Variants in SSBP2 observed in about 807,000 individuals in gnomAD.
SSBP2 encodes single-stranded DNA-binding protein 2.
Under a neutral mutation model 61.8 loss-of-function variants are expected in SSBP2, and 17 were observed. That is an observed-to-expected ratio of 0.28 (90% CI 0.19 to 0.41). The LOEUF (loss-of-function observed/expected upper bound fraction) is 0.41, where lower values mean the gene tolerates loss of function less well. Among genes scored for constraint, SSBP2 ranks in the 10% least tolerant of loss-of-function variants. The pLI is 1.00. For missense variants in SSBP2, 310 were observed against 458.7 expected, an observed-to-expected ratio of 0.68 and a Z score of 2.96; for synonymous variants, 139 against 141.3, an observed-to-expected ratio of 0.98 and a Z score of 0.12.
intron 4 of SSBP2, among the ~76,000 whole-genome samples, chr5:81,597,559 G>C (rs1424564732): frequency 1.3e-5 from 2 of 152,056 alleles, no homozygotes; most frequent in Non-Finnish European, 2.9e-5. Context: ...ACATGCACAC[G>C]TATGTTTACT....
intron 1 of SSBP2, among the ~76,000 whole-genome samples, chr5:81,668,248 TAAAAAAA>T (rs11332987): frequency 0.037 from 3,550 of 95,012 alleles, 265 homozygotes; most frequent in East Asian, 0.29. Context: ...TATGGAAGTT[TAAAAAAA>T]AAAAAAAAAA....
rs556751196 is a variant in SSBP2, at chr5:81,686,575, G to T, written c.63-36236C>A. 1.2e-4 allele frequency among the ~76,000 whole-genome samples: 19 copies of T among 152,104 alleles called. No homozygotes were observed. The East Asian group carries it at 3.7e-3, about 29-fold the overall frequency. On this transcript the variant is annotated intron_variant, in intron 1 of 16. Coordinates refer to ENST00000320672, the MANE Select transcript of SSBP2 (RefSeq NM_012446.5). ...AGTCACTAAAAAAGTGACAAAATGGGGCCGGGCACGGTAGCTCATGCCTGT... is the reference window on the plus strand; with the variant it reads ...AGTCACTAAAAAAGTGACAAAATGGTGCCGGGCACGGTAGCTCATGCCTGT...
intron 2 of SSBP2, among the ~76,000 whole-genome samples, chr5:81,643,168 G>A (rs974523560): frequency 1.3e-5 from 2 of 152,080 alleles, no homozygotes; most frequent in Admixed American, 1.3e-4. Flanking sequence ...AGTGAAGCCG[G>A]GATAGCACGA....
At chr5:81,513,298 T>C (rs922521940) in intron 5 of SSBP2, among the ~76,000 whole-genome samples, 4 of 152,158 alleles carry the variant, frequency 2.6e-5, no homozygotes, top group African/African-American at 9.7e-5. Flanking sequence ...GTATAGTTAA[T>C]ATCCATCTCT....
intron 4 of SSBP2, among the ~76,000 whole-genome samples, chr5:81,597,991 AAAACTT>A (rs1561586180): frequency 6.6e-6 from 1 of 151,986 alleles, no homozygotes; most frequent in Non-Finnish European, 1.5e-5. Context: ...CATGTACCCT[AAAACTT>A]AAAGTATAAT....
At chr5:81,698,215 T>G (rs437417) in intron 1 of SSBP2, among the ~76,000 whole-genome samples, 52,695 of 152,074 alleles carry the variant, frequency 0.35, 9,564 homozygotes, top group Middle Eastern at 0.55. Flanking sequence ...TTTAAGATTT[T>G]TTTGGCATAT....
intron 6 of SSBP2, among the ~76,000 whole-genome samples, chr5:81,488,020 T>TTATATATATA (rs1766522278): frequency 6.3e-5 from 1 of 15,896 alleles, no homozygotes; most frequent in Admixed American, 5.5e-4. Flanking sequence ...AATATATATA[T>TTATATATATA]ATATATATAT....
At chr5:81,520,394 A>C (rs1327099885) in intron 4 of SSBP2, among the ~76,000 whole-genome samples, 1 of 152,138 alleles carries the variant, frequency 6.6e-6, no homozygotes, top group African/African-American at 2.4e-5. Flanking sequence ...TTTTTTTCTT[A>C]AGCCATCTAA....
chr5:81,469,231 C>G lies in SSBP2; in HGVS notation c.571-2190G>C, dbSNP rs529354103. Among the ~76,000 whole-genome samples, 16 of 152,032 alleles carry G rather than the reference C, an allele frequency of 1.1e-4. No individual in the cohort carries two copies. In the South Asian group the frequency reaches 3.1e-3, roughly 30 times the overall value. ...GGCAAATGATTCTCCCAATGATACC[C>G]TGATCTTAATTTCCTTATTTGTAAA... On this transcript the variant is annotated intron_variant, in intron 8 of 16. Transcript: ENST00000320672.
intron 12 of SSBP2, among the ~76,000 whole-genome samples, chr5:81,445,737 A>T (rs757337324): frequency 6.6e-6 from 1 of 152,188 alleles, no homozygotes; most frequent in Non-Finnish European, 1.5e-5. Context: ...TAATTTCAAC[A>T]AGCCAGTTAA....
At chr5:81,687,156 G>A (rs1200204010) in intron 1 of SSBP2, among the ~76,000 whole-genome samples, 5 of 152,324 alleles carry the variant, frequency 3.3e-5, no homozygotes, top group East Asian at 3.9e-4. Context: ...ACCCGGCAGC[G>A]GCCGCATGGT....
At position 81,615,549 on chromosome 5, in the gene SSBP2, C is replaced by G; in HGVS notation, c.206G>C (p.Trp69Ser). Residue 69 changes from tryptophan (W) to serine (S), a missense_variant, in exon 4 of 17, where the codon TGG becomes TCG. Physicochemically the swap from Trp to Ser is radical, Grantham distance 177. This residue lies in a region of SSBP2 where 21 missense variants were observed against 59.1 expected (regional missense o/e 0.36). Transcript: ENST00000320672. ...CTCTGGAGCTGCACAGTAGAGATCCCAAAATACACTAAAAAAGTAATCATG... is the reference window on the plus strand; with the variant it reads ...CTCTGGAGCTGCACAGTAGAGATCCGAAAATACACTAAAAAAGTAATCATG... 6.2e-7 allele frequency: 1 copy of G among 1,609,760 alleles called. No homozygotes were observed. Among genetic ancestry groups the G allele is most frequent in the Non-Finnish European group, 8.5e-7 (1 of 1,177,394 alleles).
At chr5:81,539,052 G>T (rs1771038178) in intron 4 of SSBP2, among the ~76,000 whole-genome samples, 1 of 152,178 alleles carries the variant, frequency 6.6e-6, no homozygotes, top group Non-Finnish European at 1.5e-5. Flanking sequence ...CCTTCGATGG[G>T]TCTGGAAAAA....
intron 1 of SSBP2, among the ~76,000 whole-genome samples, chr5:81,655,299 T>G (rs781030443): frequency 3.9e-5 from 6 of 152,192 alleles, no homozygotes; most frequent in Non-Finnish European, 7.3e-5. Flanking sequence ...TTTAAGAAAT[T>G]TAAGTACTTT....
chr5:81,449,580 G>C (rs755468801), intron 10 of SSBP2, among the ~76,000 whole-genome samples: 6 of 152,112 alleles, frequency 3.9e-5, no homozygotes, highest in Non-Finnish European at 1.5e-5. Context: ...GCCAGAATAG[G>C]ACCTTTACAG....
At chr5:81,494,636 G>C (rs899834813) in intron 5 of SSBP2, among the ~76,000 whole-genome samples, 13 of 152,128 alleles carry the variant, frequency 8.5e-5, no homozygotes, top group African/African-American at 2.9e-4. Context: ...CTGGCACCTT[G>C]ATCTTGGACT....
At chr5:81,494,666 A>G (rs1426037798) in intron 5 of SSBP2, among the ~76,000 whole-genome samples, 3 of 152,188 alleles carry the variant, frequency 2.0e-5, no homozygotes, top group Non-Finnish European at 2.9e-5. Context: ...TCAGAACTCC[A>G]AAGAATAAAT....
intron 1 of SSBP2, among the ~76,000 whole-genome samples, chr5:81,676,360 C>T (rs1410368745): frequency 6.6e-6 from 1 of 152,100 alleles, no homozygotes; most frequent in African/African-American, 2.4e-5. Context: ...GTGTTATTCT[C>T]TTCAAGTTGC....
At chr5:81,737,386 C>A (rs1419766323) in intron 1 of SSBP2, among the ~76,000 whole-genome samples, 1 of 151,904 alleles carries the variant, frequency 6.6e-6, no homozygotes, top group African/African-American at 2.4e-5. Context: ...CATTTGACAT[C>A]TCCACCACCT....
Sources: gnomAD v4.1 joint callset for allele counts (sites outside exome capture counted in the v4.1 genomes callset) on GRCh38, gnomAD v4.1.1 for gene constraint, gnomAD v4.1.1 regional missense constraint, MANE v1.5 for transcripts, NCBI Gene and HGNC (gene_info 2026-07-23, HGNC 2026-07-21) for gene names.